The following PCIF1 variants were observed in gnomAD, a reference collection of about 807,000 sequenced individuals.
PCIF1 encodes phosphorylated CTD interacting factor 1.
PCIF1 carries 12 observed loss-of-function variants against 86.9 expected under a neutral mutation model. That is an observed-to-expected ratio of 0.14 (90% CI 0.09 to 0.22). The LOEUF (loss-of-function observed/expected upper bound fraction) is 0.22. Among genes scored for constraint, PCIF1 ranks in the 10% least tolerant of loss-of-function variants. The pLI is 1.00. For missense variants in PCIF1, 701 were observed against 951.1 expected (o/e 0.74, Z 3.46); for synonymous variants, 397 against 372.0 (o/e 1.07, Z -0.77).
In PCIF1 at chr20:45,940,609, C is replaced by T. The variant is rs1234011584; in HGVS notation, c.384C>T (p.Pro128=). The change falls in exon 5 of 17, where the codon CCC becomes CCT. Residue 128 remains proline (P), a synonymous_variant. Transcript: ENST00000372409. The stretch of plus-strand genomic sequence containing the variant: ...CAAGCGGCAATGGTGTGAAGAAGCC[C>T]AAGGTGAGTGTCTGTGGCCAGGAGC... ...EQPSGNGVKK[P]KIEIPVTPTG... 1 of 1,610,970 alleles carries T rather than the reference C, an allele frequency of 6.2e-7. No homozygotes were observed. The highest frequency in any genetic ancestry group is 2.2e-5 in the East Asian group (1 of 44,822).
At chr20:45,939,144 T>TG in intron 3 of PCIF1, 21 bp downstream of exon 3, 1 of 1,613,934 alleles carries the variant, frequency 6.2e-7, no homozygotes, top group South Asian at 1.1e-5. Context: ...GGAGCAGTAG[T>TG]GGGGTGGTGG....
rs1323185938 is a variant in PCIF1 at position 45,947,234 on chromosome 20, T to C, written c.1708-29T>C. The C allele has an allele frequency of 3.7e-6, 6 of 1,601,036 alleles. No homozygotes were observed. The African/African-American group carries it at 8.0e-5, about 21-fold the overall frequency. On this transcript the variant is annotated intron_variant, in intron 15 of 16. Coordinates refer to ENST00000372409, the MANE Select transcript of PCIF1 (RefSeq NM_022104.4). This position sits in a 1 kb window ranked among gnomAD's most constrained non-coding sequence, Gnocchi z 5.4. ...TGCCAGCCACCTGGGAGGTAGTCCCTGACATCCACCCTGTGTCCCCTTCCA... is the reference window on the plus strand; with the variant it reads ...TGCCAGCCACCTGGGAGGTAGTCCCCGACATCCACCCTGTGTCCCCTTCCA...
rs754678543 is a variant in PCIF1, at chr20:45,947,372, G to A, written c.1817G>A (p.Arg606His). The change falls in exon 16 of 17, where the codon CGC (arginine) becomes CAC (histidine). Residue 606 changes from arginine (R) to histidine (H), a missense_variant. Transcript: ENST00000372409. The surrounding 1 kb of genome is among the most constrained non-coding windows in gnomAD (Gnocchi z 5.4). ...LTRMEQSRFK[R>H]HQLILPAFEH... Reference sequence around the variant, plus strand: ...CGCATGGAGCAGAGCCGCTTCAAACGCCACCAGTTGATCCTGCCTGCCTTT... The same window carrying A: ...CGCATGGAGCAGAGCCGCTTCAAACACCACCAGTTGATCCTGCCTGCCTTT... 1.6e-5 allele frequency: 26 copies of A among 1,613,956 alleles called. No individual in the cohort carries two copies. In the South Asian group the frequency reaches 1.8e-4, roughly 11 times the overall value.
At chr20:45,940,206 A>T (rs1453107064) in intron 4 of PCIF1, among the ~76,000 whole-genome samples, 3 of 152,226 alleles carry the variant, frequency 2.0e-5, no homozygotes, top group Non-Finnish European at 4.4e-5. Context: ...AGCAGGTCAT[A>T]TTCACTGACT....
In PCIF1 at chr20:45,943,157, A is replaced by G; in HGVS notation, c.734A>G (p.Lys245Arg). The G allele has an allele frequency of 6.2e-7, 1 of 1,614,088 alleles. No homozygotes were observed. Among genetic ancestry groups the G allele is most frequent in the Non-Finnish European group, 8.5e-7 (1 of 1,180,032 alleles). The stretch of plus-strand genomic sequence containing the variant: ...ATGCTGGAGCGCAAGGTGGTAGACA[A>G]AGGATCTGACCCCCTGTTGCCCAGC... ...RWMLERKVVD[K>R]GSDPLLPSNC... is the part of the protein sequence containing the mutation. The change falls in exon 8 of 17, where the codon AAA becomes AGA. Residue 245 changes from lysine to arginine, a missense_variant. Lys to Arg is a conservative substitution (Grantham distance 26). This residue lies in a region of PCIF1 where 129 missense variants were observed against 245.9 expected (regional missense o/e 0.52). Coordinates refer to ENST00000372409, the MANE Select transcript of PCIF1 (RefSeq NM_022104.4). This position sits in a 1 kb window ranked among gnomAD's most constrained non-coding sequence, Gnocchi z 5.5.
intron 1 of PCIF1, 62 bp downstream of exon 1, chr20:45,934,866 C>T: frequency 5.0e-6 from 2 of 398,004 alleles, no homozygotes; most frequent in Non-Finnish European, 8.9e-6. Flanking sequence ...GGATCCGAAG[C>T]TGGGGGGCGG....
intron 10 of PCIF1, among the ~76,000 whole-genome samples, chr20:45,944,466 T>C (rs2083503235): frequency 6.6e-6 from 1 of 152,218 alleles, no homozygotes; most frequent in African/African-American, 2.4e-5. Context: ...CACCCTGTTT[T>C]GTAATTGTGT....
In PCIF1 at chr20:45,947,199, C is replaced by G. The variant is rs778527026; in HGVS notation, c.1707+33C>G. 1 of 1,602,034 alleles carries G rather than the reference C, an allele frequency of 6.2e-7. No individual in the cohort carries two copies. The highest frequency in any genetic ancestry group is 2.2e-5 in the East Asian group (1 of 44,602). On this transcript the variant is annotated intron_variant, in intron 15 of 16. Transcript: ENST00000372409. The surrounding 1 kb of genome is among the most constrained non-coding windows in gnomAD (Gnocchi z 5.4). ...CACTGCCAGGGTGAGAGGTGGGCAA[C>G]AGGCAGGATTGCCAGCCACCTGGGA...
chr20:45,944,757 G>T, intron 10 of PCIF1, 111 bp from the exon 11 acceptor site: 1 of 1,174,106 alleles, frequency 8.5e-7, no homozygotes, highest in East Asian at 2.5e-5. Context: ...CAGCAGCAGA[G>T]CTGGTTTCAA....
chr20:45,947,973 G>C lies in PCIF1; in HGVS notation c.*218G>C, dbSNP rs2083551231. ...CCTTCCCAACCCCGCCCCTCACCCTGTTGCCACCTTGTTTCATTTGTAAAA... is the reference window on the plus strand; with the variant it reads ...CCTTCCCAACCCCGCCCCTCACCCTCTTGCCACCTTGTTTCATTTGTAAAA... On this transcript the variant is annotated 3_prime_UTR_variant, in exon 17 of 17. Transcript: ENST00000372409. The surrounding 1 kb of genome is among the most constrained non-coding windows in gnomAD (Gnocchi z 5.4). 6.5e-7 allele frequency: 1 copy of C among 1,528,602 alleles called. No individual in the cohort carries two copies. Among genetic ancestry groups the C allele is most frequent in the Non-Finnish European group, 8.8e-7 (1 of 1,142,512 alleles). The allele number at this position is 1,528,602 out of a possible 1,614,324, so 94.7% of individuals were successfully genotyped here.
intron 2 of PCIF1, among the ~76,000 whole-genome samples, chr20:45,938,214 A>T (rs941285288): frequency 6.6e-6 from 1 of 152,212 alleles, no homozygotes; most frequent in African/African-American, 2.4e-5. Flanking sequence ...CTTACAGTAA[A>T]TATTCACCTG....
In PCIF1 at chr20:45,940,910, A is replaced by T. The variant is rs769598596; in HGVS notation, c.489A>T (p.Lys163Asn). The change falls in exon 6 of 17, where the codon AAA (lysine) becomes AAT (asparagine). Residue 163 changes from lysine to asparagine, a missense_variant. This residue lies in a region of PCIF1 where 125 missense variants were observed against 126.8 expected (regional missense o/e 0.99). Coordinates refer to ENST00000372409, the MANE Select transcript of PCIF1 (RefSeq NM_022104.4). ...TGTGGGGTACGTCCCCTGAAGATAA[A>T]CAGCAGGCAGCTCTCCTACGACCCA... ...LKMWGTSPED[K>N]QQAALLRPTE... 7 of 1,613,980 alleles carry T rather than the reference A, an allele frequency of 4.3e-6. No homozygotes were observed. The Admixed American group carries it at 1.0e-4, about 23-fold the overall frequency.
At position 45,947,913 on chromosome 20, in the gene PCIF1, A is replaced by G; in HGVS notation, c.*158A>G. On this transcript the variant is annotated 3_prime_UTR_variant, in exon 17 of 17. Transcript: ENST00000372409. The surrounding 1 kb of genome is among the most constrained non-coding windows in gnomAD (Gnocchi z 5.4). The stretch of plus-strand genomic sequence containing the variant: ...GCCTGTCCCCAAGTCCTCACCTCAA[A>G]CTCCCTCCAAGTCCCATGTATATAG... 6.5e-7 allele frequency: 1 copy of G among 1,532,078 alleles called. No homozygotes were observed. The highest frequency in any genetic ancestry group is 8.7e-7 in the Non-Finnish European group (1 of 1,145,808). 94.9% of individuals were successfully genotyped at this position (1,532,078 alleles called of 1,614,324 possible).
Position 45,939,284 on chromosome 20 carries a change from G to A in PCIF1, c.194G>A (p.Arg65Gln), listed in dbSNP as rs956634989. Reference sequence around the variant, plus strand: ...GAGAATCGTCCCTACTACTTCAACCGATTCACCAACCAGTCCCTGTGGGAG... The same window carrying A: ...GAGAATCGTCCCTACTACTTCAACCAATTCACCAACCAGTCCCTGTGGGAG... ...RRENRPYYFN[R>Q]FTNQSLWEMP... The change falls in exon 4 of 17, where the codon CGA becomes CAA. Residue 65 changes from arginine to glutamine, a missense_variant. Physicochemically the swap from Arg to Gln is conservative, Grantham distance 43 (BLOSUM62 1). This residue lies in a region of PCIF1 where 31 missense variants were observed against 62.8 expected (regional missense o/e 0.49). Transcript: ENST00000372409. The A allele has an allele frequency of 2.5e-6, 4 of 1,613,620 alleles. No homozygotes were observed. Among genetic ancestry groups the A allele is most frequent in the African/African-American group, 1.3e-5 (1 of 74,926 alleles).
chr20:45,935,137 G>GGC (rs975443190), intron 1 of PCIF1, among the ~76,000 whole-genome samples: 83 of 150,698 alleles, frequency 5.5e-4, no homozygotes, highest in Middle Eastern at 3.5e-3. Context: ...GAGATGGGCC[G>GGC]GCGCGCGCGC....
chr20:45,939,959 C>T (rs1229559922), intron 4 of PCIF1, among the ~76,000 whole-genome samples: 2 of 152,128 alleles, frequency 1.3e-5, no homozygotes, highest in East Asian at 1.9e-4. Flanking sequence ...AGATGGGGAA[C>T]GACTGGCACG....
intron 1 of PCIF1, among the ~76,000 whole-genome samples, chr20:45,935,953 G>T (rs1205730182): frequency 6.6e-6 from 1 of 151,902 alleles, no homozygotes; most frequent in Non-Finnish European, 1.5e-5. Context: ...TCATCTACCC[G>T]GTGCATCAAT....
In PCIF1 at chr20:45,937,539, G is replaced by A. The variant is rs539667266; in HGVS notation, c.-66G>A. On this transcript the variant is annotated 5_prime_UTR_variant, in exon 2 of 17. Transcript: ENST00000372409. ...TGTGGGACCCTGTGGGGGTCCATCC[G>A]GCTGGAGAAGAAAAGCCTCTCATGC... is the stretch of plus-strand genomic sequence containing the variant. The A allele has an allele frequency of 6.3e-4, 252 of 399,054 alleles. No individual in the cohort carries two copies. The South Asian group carries it at 6.6e-3, about 10-fold the overall frequency. The allele number at this position is 399,054 out of a possible 1,614,324, so 24.7% of individuals were successfully genotyped here.
intron 4 of PCIF1, 141 bp downstream of exon 4, chr20:45,939,480 C>A: frequency 8.0e-7 from 1 of 1,250,906 alleles, no homozygotes; most frequent in Non-Finnish European, 1.1e-6. Flanking sequence ...CAGACACAGC[C>A]CCTGCCCTCA....
Sources: gnomAD v4.1 joint callset for allele counts (sites outside exome capture counted in the v4.1 genomes callset) on GRCh38, gnomAD v4.1.1 for gene constraint, gnomAD v4.1.1 regional missense constraint, Gnocchi (gnomAD v3.1) non-coding constraint, MANE v1.5 for transcripts, NCBI Gene and HGNC (gene_info 2026-07-23, HGNC 2026-07-21) for gene names.